Variants in PCDHGA6 observed in about 807,000 individuals in gnomAD.
PCDHGA6 encodes protocadherin gamma-A6.
A neutral mutation model predicts 60.6 loss-of-function variants in PCDHGA6; 41 were observed. That is an observed-to-expected ratio of 0.68 (90% CI 0.53 to 0.88). The LOEUF (loss-of-function observed/expected upper bound fraction) is 0.88, where lower values mean the gene tolerates loss of function less well. Among genes scored for constraint, PCDHGA6 ranks in the 40% least tolerant of loss-of-function variants. The pLI, the probability that PCDHGA6 is intolerant of heterozygous loss-of-function variation, is 0.00. For missense variants in PCDHGA6, 1,312 were observed against 1,203.0 expected (o/e 1.09, Z -1.34); for synonymous variants, 594 against 524.4 (o/e 1.13, Z -1.81).
In PCDHGA6 at chr5:141,423,113, C is replaced by G. The variant is rs2096710947; in HGVS notation, c.2424+46606C>G. On this transcript the variant is annotated intron_variant, in intron 1 of 3. Coordinates refer to ENST00000517434, the MANE Select transcript of PCDHGA6 (RefSeq NM_018919.3). The stretch of plus-strand genomic sequence containing the variant: ...GGGGAGCACACGGGCGAGGTGCGTA[C>G]AGCGCGGGCACTGCTGGACAGAGAC... The G allele has an allele frequency of 1.9e-6, 3 of 1,613,702 alleles. No homozygotes were observed. The highest frequency in any genetic ancestry group is 2.5e-6 in the Non-Finnish European group (3 of 1,179,992).
intron 1 of PCDHGA6, chr5:141,422,889 G>A (rs62378455): frequency 0.035 from 55,863 of 1,614,202 alleles, 1,109 homozygotes; most frequent in Middle Eastern, 0.098. Context: ...TGTTCGTGCT[G>A]GACCAGAACG....
At position 141,383,504 on chromosome 5, in the gene PCDHGA6, G is replaced by C. The variant is rs373658496; in HGVS notation, c.2424+6997G>C. ...CTGGTGCTGGAGCGGGTGCTGGACC[G>C]GGAGGAAGAGCGGGTTCACCACCTG... On this transcript the variant is annotated intron_variant, in intron 1 of 3. Coordinates refer to ENST00000517434, the MANE Select transcript of PCDHGA6 (RefSeq NM_018919.3). The C allele has an allele frequency of 1.9e-5, 30 of 1,612,648 alleles. No individual in the cohort carries two copies. The East Asian group carries it at 3.6e-4, about 19-fold the overall frequency.
intron 1 of PCDHGA6, among the ~76,000 whole-genome samples, chr5:141,444,880 G>A (rs527554886): frequency 6.6e-6 from 1 of 152,150 alleles, no homozygotes; most frequent in Non-Finnish European, 1.5e-5. Context: ...AAGCTTGTAG[G>A]ATTTTTGAAT....
At chr5:141,404,234 G>C (rs2094500908) in intron 1 of PCDHGA6, 1 of 1,613,652 alleles carries the variant, frequency 6.2e-7, no homozygotes, top group South Asian at 1.1e-5. Flanking sequence ...AACAGACAGA[G>C]GAACTCCGCC....
chr5:141,406,258 G>A (rs895877034), intron 1 of PCDHGA6, among the ~76,000 whole-genome samples: 2 of 151,882 alleles, frequency 1.3e-5, no homozygotes, highest in African/African-American at 4.8e-5. Context: ...GGTCTCAAAC[G>A]ATCTTCCTGC....
At chr5:141,383,193 G>C (rs911488617) in intron 1 of PCDHGA6, 1 of 1,614,066 alleles carries the variant, frequency 6.2e-7, no homozygotes, top group Non-Finnish European at 8.5e-7. Context: ...TCTGCGCTCA[G>C]AGTGCGCGGT....
At chr5:141,503,474 T>C (rs2099820145) in intron 2 of PCDHGA6, among the ~76,000 whole-genome samples, 1 of 151,828 alleles carries the variant, frequency 6.6e-6, no homozygotes, top group South Asian at 2.1e-4. Context: ...ATGTGTGCAC[T>C]TGTCGTCCCA....
In PCDHGA6 at chr5:141,419,493, A is replaced by G. The variant is rs1246204844; in HGVS notation, c.2424+42986A>G. 5.0e-6 allele frequency: 8 copies of G among 1,612,382 alleles called. No individual in the cohort carries two copies. The highest frequency in any genetic ancestry group is 1.7e-4 in the Middle Eastern group (1 of 5,978). On this transcript the variant is annotated intron_variant, in intron 1 of 3. Coordinates refer to ENST00000517434, the MANE Select transcript of PCDHGA6 (RefSeq NM_018919.3). ...CAGGGCTCGCCCGCGCTCAGCGCCA[A>G]TGTGAGCCTGCGCGTGTTGGTGGGC...
Position 141,373,957 on chromosome 5 carries a change from C to A in PCDHGA6, c.-127C>A, listed in dbSNP as rs114705983. ...CAGGAAAGCTGTGCAGAAATTCTGA[C>A]CTGAAACGCTTCGCATCCGGTCTCT... On this transcript the variant is annotated 5_prime_UTR_variant, in exon 1 of 4. Coordinates refer to ENST00000517434, the MANE Select transcript of PCDHGA6 (RefSeq NM_018919.3). 3.8e-3 allele frequency: 3,425 copies of A among 890,772 alleles called. 11 individuals carry two copies. Among genetic ancestry groups the A allele is most frequent in the Non-Finnish European group, 4.4e-3 (2,783 of 626,468 alleles). The allele number at this position is 890,772 out of a possible 1,614,324, so 55.2% of individuals were successfully genotyped here.
At position 141,405,308 on chromosome 5, in the gene PCDHGA6, GA is replaced by G. The variant is rs776065617; in HGVS notation, c.2424+28802del. 15 of 1,614,096 alleles carry G rather than the reference GA, an allele frequency of 9.3e-6. No individual in the cohort carries two copies. The African/African-American group carries it at 1.9e-4, about 20-fold the overall frequency. On this transcript the variant is annotated intron_variant, in intron 1 of 3. Transcript: ENST00000517434. The stretch of plus-strand genomic sequence containing the variant: ...CACACTCATCAGCCAGCAGAGCTGT[GA>G]GAAAAATGAGCCTTTGTGCGTCTCT...
At chr5:141,387,976 A>G (rs1406804687) in intron 1 of PCDHGA6, 2 of 1,490,180 alleles carry the variant, frequency 1.3e-6, no homozygotes, top group South Asian at 2.6e-5. Context: ...GCGCTCTGTG[A>G]GCAGATCCGC....
intron 1 of PCDHGA6, chr5:141,430,452 A>G (rs566189732): frequency 2.0e-3 from 408 of 202,442 alleles, no homozygotes; most frequent in South Asian, 3.8e-3. Context: ...CCTTTTGAAG[A>G]ACAGTAGGTG....
At chr5:141,400,186 TACCTAG>T (rs1474148355) in intron 1 of PCDHGA6, 1 of 1,614,068 alleles carries the variant, frequency 6.2e-7, no homozygotes, top group Non-Finnish European at 8.5e-7. Flanking sequence ...GCTGCAGTTT[TACCTAG>T]TGGTGGCCTT....
rs2099749948 is a variant in PCDHGA6 at position 141,493,762 on chromosome 5, C to T, written c.2425-1045C>T. Among the ~76,000 whole-genome samples the T allele has an allele frequency of 1.3e-5, 2 of 152,130 alleles. No homozygotes were observed. Among genetic ancestry groups the T allele is most frequent in the South Asian group, 4.1e-4 (2 of 4,830 alleles). Reference sequence around the variant, plus strand: ...TGCCACCTGTGAGCCTTGAGTGAGCCACTGGCAGTTCCGGAGCTTCCTTCT... The same window carrying T: ...TGCCACCTGTGAGCCTTGAGTGAGCTACTGGCAGTTCCGGAGCTTCCTTCT... On this transcript the variant is annotated intron_variant, in intron 1 of 3. Transcript: ENST00000517434. The surrounding 1 kb of genome is among the most constrained non-coding windows in gnomAD (Gnocchi z 4.3).
chr5:141,433,307 C>A, intron 1 of PCDHGA6: 1 of 913,756 alleles, frequency 1.1e-6, no homozygotes, highest in Non-Finnish European at 1.6e-6. Flanking sequence ...AATTATCCCA[C>A]CTTTGCCTCC....
chr5:141,477,212 C>T lies in PCDHGA6; in HGVS notation c.2425-17595C>T, dbSNP rs1488282405. On this transcript the variant is annotated intron_variant, in intron 1 of 3. Coordinates refer to ENST00000517434, the MANE Select transcript of PCDHGA6 (RefSeq NM_018919.3). This position sits in a 1 kb window ranked among gnomAD's most constrained non-coding sequence, Gnocchi z 4.9. ...GTACAGCCCAGTACCCGAGGATGCC[C>T]CTCTGGGGACTGTCATCGCTTTGCT... 11 of 1,614,048 alleles carry T rather than the reference C, an allele frequency of 6.8e-6. No individual in the cohort carries two copies. The highest frequency in any genetic ancestry group is 1.3e-5 in the African/African-American group (1 of 74,918).
intron 1 of PCDHGA6, chr5:141,389,913 C>A (rs751155354): frequency 6.2e-7 from 1 of 1,614,092 alleles, no homozygotes; most frequent in Non-Finnish European, 8.5e-7. Context: ...CACTGACCGC[C>A]CCGACCCCTC....
At position 141,497,103 on chromosome 5, in the gene PCDHGA6, T is replaced by C. The variant is rs182534106; in HGVS notation, c.2483+2238T>C. On this transcript the variant is annotated intron_variant, in intron 2 of 3. Transcript: ENST00000517434. ...ACTTAGGAGGCTGAGGCAGAACTGC[T>C]TGAACCCGGAAGGCAGAGGTTGCAG... Among the ~76,000 whole-genome samples, 34 of 152,160 alleles carry C rather than the reference T, an allele frequency of 2.2e-4. 1 individual carries two copies. Among genetic ancestry groups the C allele is most frequent in the Admixed American group, 6.6e-4 (10 of 15,264 alleles).
rs868008554 is a variant in PCDHGA6, at chr5:141,431,417, C to T, written c.2424+54910C>T. 1 of 1,613,666 alleles carries T rather than the reference C, an allele frequency of 6.2e-7. No homozygotes were observed. Among genetic ancestry groups the T allele is most frequent in the South Asian group, 1.1e-5 (1 of 91,082 alleles). ...CCTTACGGCCTCCGACGGGGGCGAC[C>T]CGGTGCGCACAGGCACCGCGCGCAT... On this transcript the variant is annotated intron_variant, in intron 1 of 3. Transcript: ENST00000517434. This position sits in a 1 kb window ranked among gnomAD's most constrained non-coding sequence, Gnocchi z 4.8.
Sources: allele counts gnomAD v4.1 joint callset (sites outside exome capture counted in the v4.1 genomes callset), GRCh38; gene constraint gnomAD v4.1.1; non-coding constraint Gnocchi (gnomAD v3.1); transcripts MANE v1.5; gene names NCBI Gene and HGNC (gene_info 2026-07-23, HGNC 2026-07-21).